The following ZNF609 variants were observed in gnomAD, a reference collection of about 807,000 sequenced individuals.
ZNF609 encodes the protein zinc finger protein 609.
A neutral mutation model predicts 109.5 loss-of-function variants in ZNF609; 11 were observed. The ratio of observed to expected loss-of-function variants is 0.10; its 90% CI spans 0.06 to 0.17. The LOEUF is 0.17. ZNF609 is among the 10% of genes least tolerant of loss of function. ZNF609 has a pLI of 1.00. For missense variants in ZNF609, 1,559 were observed against 1,772.4 expected (o/e 0.88, Z 2.16); for synonymous variants, 646 against 662.0 (o/e 0.98, Z 0.37).
chr15:64,660,272 T>G (rs1393592129), intron 3 of ZNF609, among the ~76,000 whole-genome samples: 1 of 152,150 alleles, frequency 6.6e-6, no homozygotes, highest in East Asian at 1.9e-4. Flanking sequence ...CTGGCTCTCA[T>G]TTATATCTTT....
chr15:64,588,719 A>T (rs1895245193), intron 2 of ZNF609, among the ~76,000 whole-genome samples: 1 of 151,398 alleles, frequency 6.6e-6, no homozygotes, highest in African/African-American at 2.4e-5. Context: ...GCAAATGGCA[A>T]ACTCTGCCTC....
chr15:64,652,662 A>G (rs961827152), intron 3 of ZNF609, among the ~76,000 whole-genome samples: 2 of 152,112 alleles, frequency 1.3e-5, no homozygotes, highest in Admixed American at 1.3e-4. Flanking sequence ...TGCTGGGACT[A>G]CAAGTGTGAA....
intron 2 of ZNF609, among the ~76,000 whole-genome samples, chr15:64,531,927 C>T (rs377759068): frequency 2.0e-4 from 31 of 152,296 alleles, no homozygotes; most frequent in African/African-American, 7.2e-4. Context: ...CATTCATTAT[C>T]ACTTCTTTGC....
At chr15:64,481,789 ATTTG>A (rs1380115078) in intron 1 of ZNF609, among the ~76,000 whole-genome samples, 2 of 151,584 alleles carry the variant, frequency 1.3e-5, no homozygotes, top group Non-Finnish European at 1.5e-5. Context: ...TTTTTTGTTT[ATTTG>A]TTTGTTTTTG....
chr15:64,641,717 T>C (rs1217005770), intron 3 of ZNF609, among the ~76,000 whole-genome samples: 2 of 152,120 alleles, frequency 1.3e-5, no homozygotes, highest in African/African-American at 4.8e-5. Context: ...TCTCACCCAA[T>C]TAAATTGGAT....
intron 2 of ZNF609, among the ~76,000 whole-genome samples, chr15:64,559,872 A>G (rs1356401765): frequency 1.3e-5 from 2 of 152,232 alleles, no homozygotes; most frequent in Non-Finnish European, 2.9e-5. Flanking sequence ...CAAGATAAAT[A>G]ATAGTATCCG....
At position 64,674,566 on chromosome 15, in the gene ZNF609, T is replaced by C; in HGVS notation, c.1712T>C (p.Leu571Pro). ...PARSATPKVR[L>P]VEPHSPSPSS... ...CGCTCAGCTACCCCCAAAGTTCGAC[T>C]TGTAGAGCCCCATAGCCCTTCTCCT... The change falls in exon 5 of 10, where the codon CTT becomes CCT. Residue 571 changes from leucine (L) to proline (P), a missense_variant. Coordinates refer to ENST00000326648, the MANE Select transcript of ZNF609 (RefSeq NM_015042.2). 6.2e-7 allele frequency: 1 copy of C among 1,614,070 alleles called. No homozygotes were observed. Among genetic ancestry groups the C allele is most frequent in the Non-Finnish European group, 8.5e-7 (1 of 1,180,004 alleles).
chr15:64,644,645 A>T (rs1333039256), intron 3 of ZNF609, among the ~76,000 whole-genome samples: 2 of 152,234 alleles, frequency 1.3e-5, no homozygotes, highest in African/African-American at 4.8e-5. Flanking sequence ...GAAAACTTAT[A>T]AAATGGTTTG....
intron 5 of ZNF609, 29 bp downstream of exon 5, chr15:64,676,285 A>G (rs1567045862): frequency 6.4e-7 from 1 of 1,568,048 alleles, no homozygotes. Flanking sequence ...GGAAGTGGAA[A>G]TACCGTATGG....
intron 5 of ZNF609, 143 bp from the exon 6 acceptor site, chr15:64,677,973 A>G: frequency 1.8e-6 from 2 of 1,109,712 alleles, no homozygotes; most frequent in Non-Finnish European, 2.5e-6. Flanking sequence ...GATTATAAAC[A>G]AGATCAGTAG....
intron 2 of ZNF609, among the ~76,000 whole-genome samples, chr15:64,552,163 T>G (rs1237750991): frequency 1.3e-5 from 2 of 152,168 alleles, no homozygotes; most frequent in Admixed American, 6.5e-5. Flanking sequence ...AGAACATAAG[T>G]TCTTAATTTG....
At chr15:64,623,470 T>G (rs1354228344) in intron 3 of ZNF609, among the ~76,000 whole-genome samples, 1 of 152,232 alleles carries the variant, frequency 6.6e-6, no homozygotes, top group East Asian at 1.9e-4. Flanking sequence ...GTTGGCTCAT[T>G]GCATATGCAG....
chr15:64,532,301 A>G (rs1259418729), intron 2 of ZNF609, among the ~76,000 whole-genome samples: 2 of 152,192 alleles, frequency 1.3e-5, no homozygotes, highest in Non-Finnish European at 2.9e-5. Flanking sequence ...TTTTTAATTT[A>G]CTATGTGTAT....
intron 2 of ZNF609, among the ~76,000 whole-genome samples, chr15:64,558,740 C>T (rs498806): frequency 0.74 from 112,993 of 152,164 alleles, 45,487 homozygotes; most frequent in East Asian, 0.96. Flanking sequence ...TATTTGTTGT[C>T]TAGCACATAC....
intron 2 of ZNF609, among the ~76,000 whole-genome samples, chr15:64,607,502 C>CTT (rs200902765): frequency 9.4e-4 from 124 of 131,958 alleles, no homozygotes; most frequent in Admixed American, 2.8e-3. Context: ...TTAAGGCATA[C>CTT]TTTTTTTTTT....
intron 1 of ZNF609, among the ~76,000 whole-genome samples, chr15:64,496,970 A>G (rs1446313968): frequency 6.6e-6 from 1 of 152,080 alleles, no homozygotes; most frequent in Non-Finnish European, 1.5e-5. Flanking sequence ...CATTACCATC[A>G]TACCCGGCTA....
chr15:64,488,311 G>A (rs1171930226), intron 1 of ZNF609, among the ~76,000 whole-genome samples: 2 of 152,180 alleles, frequency 1.3e-5, no homozygotes, highest in Non-Finnish European at 2.9e-5. Context: ...TGCCAGCGGG[G>A]CATTGATATG....
chr15:64,592,755 TAAA>T (rs34625066), intron 2 of ZNF609, among the ~76,000 whole-genome samples: 1,485 of 134,270 alleles, frequency 0.011, 9 homozygotes, highest in Non-Finnish European at 0.016. Context: ...CATTTCTACT[TAAA>T]AAAAAAAAAA....
At chr15:64,607,764 C>A (rs1475238377) in intron 2 of ZNF609, among the ~76,000 whole-genome samples, 1 of 151,794 alleles carries the variant, frequency 6.6e-6, no homozygotes, top group African/African-American at 2.4e-5. Flanking sequence ...CTTGGCCCCC[C>A]AAAGTGCTGG....
Sources: gnomAD v4.1 joint callset for allele counts (sites outside exome capture counted in the v4.1 genomes callset) on GRCh38, gnomAD v4.1.1 for gene constraint, MANE v1.5 for transcripts, NCBI Gene and HGNC (gene_info 2026-07-23, HGNC 2026-07-21) for gene names.